ILDR1: variants seen among roughly 807,000 people sequenced by gnomAD.
ILDR1 encodes immunoglobulin-like domain-containing receptor 1.
A neutral mutation model predicts 62.4 loss-of-function variants in ILDR1; 56 were observed. The ratio of observed to expected loss-of-function variants is 0.90; its 90% CI spans 0.72 to 1.12. The LOEUF (loss-of-function observed/expected upper bound fraction) is 1.12, where lower values mean the gene tolerates loss of function less well. Among genes scored for constraint, ILDR1 ranks in the 50% most tolerant of loss-of-function variants. The pLI is 0.00. For missense variants in ILDR1, 736 were observed against 710.6 expected, an observed-to-expected ratio of 1.04 and a Z score of -0.41; for synonymous variants, 284 against 277.8, an observed-to-expected ratio of 1.02 and a Z score of -0.22.
the ILDR1 span, among the ~76,000 whole-genome samples, chr3:122,045,405 G>A: frequency 6.6e-6 from 1 of 152,008 alleles, no homozygotes; most frequent in Non-Finnish European, 1.5e-5. Context: ...TTGATTTGGG[G>A]TGGAGAGTTC....
chr3:122,026,665 G>A (rs922568950), upstream of ILDR1, among the ~76,000 whole-genome samples: 2 of 152,150 alleles, frequency 1.3e-5, no homozygotes, highest in South Asian at 2.1e-4. Flanking sequence ...AGTCTGGGTC[G>A]GCAGGGACTG....
intron 1 of ILDR1, among the ~76,000 whole-genome samples, chr3:122,011,122 C>T (rs992405747): frequency 8.5e-5 from 13 of 152,162 alleles, no homozygotes; most frequent in African/African-American, 3.1e-4. Context: ...ATAACTGGTG[C>T]AGTCACTCTG....
Position 121,988,180 on chromosome 3 carries a change from A to G in ILDR1, c.*187T>C, listed in dbSNP as rs1275973261. 2 of 671,928 alleles carry G rather than the reference A, an allele frequency of 3.0e-6. No individual in the cohort carries two copies. The highest frequency in any genetic ancestry group is 5.5e-6 in the Non-Finnish European group (2 of 363,916). The allele number at this position is 671,928 out of a possible 1,614,324, so 41.6% of individuals were successfully genotyped here. On this transcript the variant is annotated 3_prime_UTR_variant, in exon 8 of 8. Transcript: ENST00000344209. ...CTTAGCCTCCCAAAGTGCTGTGATTACAGGTGTGAGCCACTATACCCAATC... is the reference window on the plus strand; with the variant it reads ...CTTAGCCTCCCAAAGTGCTGTGATTGCAGGTGTGAGCCACTATACCCAATC...
the ILDR1 span, among the ~76,000 whole-genome samples, chr3:122,033,250 T>C: frequency 6.6e-6 from 1 of 152,134 alleles, no homozygotes; most frequent in Non-Finnish European, 1.5e-5. Context: ...CTAATAGCAT[T>C]GAACACTTCA....
upstream of ILDR1, among the ~76,000 whole-genome samples, chr3:122,026,754 T>C (rs540185957): frequency 8.5e-5 from 13 of 152,258 alleles, no homozygotes; most frequent in South Asian, 2.7e-3. Flanking sequence ...TGGAAGCTAA[T>C]GAAAGGGGTC....
the ILDR1 span, among the ~76,000 whole-genome samples, chr3:122,038,896 C>T: frequency 2.6e-5 from 4 of 152,034 alleles, no homozygotes; most frequent in African/African-American, 4.8e-5. Context: ...AGAAAGGGAA[C>T]TTCTGATCTG....
chr3:122,009,558 C>A (rs1437611155), intron 1 of ILDR1, among the ~76,000 whole-genome samples: 1 of 152,210 alleles, frequency 6.6e-6, no homozygotes, highest in Non-Finnish European at 1.5e-5. Flanking sequence ...CTTGCACATA[C>A]ACTGCCACAT....
Position 121,995,263 on chromosome 3 carries a change from G to A in ILDR1, c.647-950C>T, listed in dbSNP as rs554269481. 1.3e-4 allele frequency among the ~76,000 whole-genome samples: 20 copies of A among 152,310 alleles called. No homozygotes were observed. The East Asian group carries it at 2.5e-3, about 19-fold the overall frequency. ...ACGCGTGTTGGACGTGTGCCTGTACGTTAAGTGCAGGAAGTGCCAGCCTCA... is the reference window on the plus strand; with the variant it reads ...ACGCGTGTTGGACGTGTGCCTGTACATTAAGTGCAGGAAGTGCCAGCCTCA... On this transcript the variant is annotated intron_variant, in intron 5 of 7. Coordinates refer to ENST00000344209, the MANE Select transcript of ILDR1 (RefSeq NM_001199799.2).
At chr3:122,040,542 A>G in the ILDR1 span, among the ~76,000 whole-genome samples, 6 of 152,098 alleles carry the variant, frequency 3.9e-5, no homozygotes, top group East Asian at 1.2e-3. Flanking sequence ...GACTTATTAT[A>G]AAGCTACAGT....
At chr3:122,006,098 G>A (rs1247961502) in intron 2 of ILDR1, among the ~76,000 whole-genome samples, 1 of 152,002 alleles carries the variant, frequency 6.6e-6, no homozygotes, top group African/African-American at 2.4e-5. Flanking sequence ...GTCTTTTGGG[G>A]ACAATGGCAG....
In ILDR1 at chr3:122,001,839, C is replaced by G; in HGVS notation, c.405G>C (p.Val135=). Residue 135 remains valine (V), a synonymous_variant, in exon 4 of 8, where the codon GTG becomes GTC. Coordinates refer to ENST00000344209, the MANE Select transcript of ILDR1 (RefSeq NM_001199799.2). ...AATACACTCCATGGTCCCACCACAT[C>G]ACTTCATTTATCACGAGATCTGCTC... is the stretch of plus-strand genomic sequence containing the variant. ...QNRADLVINE[V]MWWDHGVYYC... The G allele has an allele frequency of 6.2e-7, 1 of 1,613,610 alleles. No homozygotes were observed. Among genetic ancestry groups the G allele is most frequent in the Non-Finnish European group, 8.5e-7 (1 of 1,179,994 alleles).
At chr3:122,061,157 AG>A in the ILDR1 span, among the ~76,000 whole-genome samples, 11 of 152,358 alleles carry the variant, frequency 7.2e-5, no homozygotes, top group East Asian at 1.9e-3. Flanking sequence ...AATACACGCC[AG>A]AAAATGGTAA....
At chr3:122,005,069 T>A (rs983808443) in intron 3 of ILDR1, among the ~76,000 whole-genome samples, 175 bp downstream of exon 3, 3 of 152,124 alleles carry the variant, frequency 2.0e-5, no homozygotes, top group African/African-American at 7.2e-5. Context: ...GGAAGTCACT[T>A]CAGCTGGTGC....
At chr3:122,048,021 C>A in the ILDR1 span, among the ~76,000 whole-genome samples, 1 of 152,212 alleles carries the variant, frequency 6.6e-6, no homozygotes, top group Non-Finnish European at 1.5e-5. Context: ...GGCAGACTTA[C>A]CTTGTTCCTC....
chr3:122,000,486 G>A (rs1222894615), intron 5 of ILDR1, among the ~76,000 whole-genome samples: 1 of 152,172 alleles, frequency 6.6e-6, no homozygotes, highest in Non-Finnish European at 1.5e-5. Flanking sequence ...GCCCCTCCCC[G>A]CTCCCACATA....
the ILDR1 span, among the ~76,000 whole-genome samples, chr3:122,051,790 G>A: frequency 3.3e-5 from 5 of 152,132 alleles, no homozygotes; most frequent in African/African-American, 2.4e-5. Context: ...TTTGTACTGG[G>A]AAAGACCTTC....
At chr3:122,055,565 A>G in the ILDR1 span, 1 of 1,484,990 alleles carries the variant, frequency 6.7e-7, no homozygotes, top group East Asian at 2.3e-5. Context: ...TGAAAGGCTG[A>G]GGTTGAAGAT....
intron 1 of ILDR1, among the ~76,000 whole-genome samples, chr3:122,017,824 A>G (rs2071797569): frequency 6.6e-6 from 1 of 152,246 alleles, no homozygotes; most frequent in Non-Finnish European, 1.5e-5. Context: ...AGAGAAAAGC[A>G]AATCAAATCC....
At chr3:122,050,316 G>T in the ILDR1 span, among the ~76,000 whole-genome samples, 1 of 152,106 alleles carries the variant, frequency 6.6e-6, no homozygotes, top group Non-Finnish European at 1.5e-5. Flanking sequence ...TGTTTTTTGT[G>T]TTGTAGCTAT....
Sources: allele counts gnomAD v4.1 joint callset (sites outside exome capture counted in the v4.1 genomes callset), GRCh38; gene constraint gnomAD v4.1.1; transcripts MANE v1.5; gene names NCBI Gene and HGNC (gene_info 2026-07-23, HGNC 2026-07-21).